The following VWF variants were observed in gnomAD, a reference collection of about 807,000 sequenced individuals.
VWF encodes the protein von Willebrand factor.
In VWF, 176 loss-of-function variants were observed where a neutral mutation model predicts 308.6. The ratio of observed to expected loss-of-function variants is 0.57; its 90% CI spans 0.50 to 0.65. The LOEUF (loss-of-function observed/expected upper bound fraction) is 0.65, where lower values mean the gene tolerates loss of function less well. Ranked by LOEUF, VWF falls within the 30% of genes least tolerant of loss-of-function variation. VWF has a pLI of 0.00. For synonymous variants in VWF, 1,385 were observed against 1,443.4 expected, an observed-to-expected ratio of 0.96 and a Z score of 0.92; for missense variants, 3,146 against 3,648.2, an observed-to-expected ratio of 0.86 and a Z score of 3.55.
At chr12:6,097,721 G>A (rs922236491) in intron 5 of VWF, among the ~76,000 whole-genome samples, 1 of 152,194 alleles carries the variant, frequency 6.6e-6, no homozygotes, top group African/African-American at 2.4e-5. Context: ...CCGAGTTTGT[G>A]GTAATGTGTT....
intron 10 of VWF, among the ~76,000 whole-genome samples, chr12:6,067,716 C>T (rs971757827): frequency 1.3e-5 from 2 of 152,178 alleles, no homozygotes; most frequent in African/African-American, 4.8e-5. Context: ...CTAGGATATT[C>T]CCCATCAGTC....
chr12:6,103,516 A>G (rs1228419557), intron 5 of VWF, among the ~76,000 whole-genome samples: 1 of 140,500 alleles, frequency 7.1e-6, no homozygotes, highest in African/African-American at 2.8e-5. Flanking sequence ...ATATATATAC[A>G]CACATATGTG....
intron 1 of VWF, among the ~76,000 whole-genome samples, chr12:6,123,538 C>T (rs1945454744): frequency 6.6e-6 from 1 of 152,198 alleles, no homozygotes; most frequent in African/African-American, 2.4e-5. Flanking sequence ...AGCTAACACA[C>T]ACCTCATTCC....
chr12:5,967,622 G>C lies in VWF; in HGVS notation c.7771-20C>G, dbSNP rs983797627. 16 of 1,609,276 alleles carry C rather than the reference G, an allele frequency of 9.9e-6. No individual in the cohort carries two copies. The highest frequency in any genetic ancestry group is 1.4e-5 in the Non-Finnish European group (16 of 1,177,662). On this transcript the variant is annotated intron_variant, in intron 46 of 51. Transcript: ENST00000261405. ...CCCGGGCTGGAAGCAGAGGCACCAG[G>C]GTCAGGCCCCCCAGCATCCCCCAAC... is the stretch of plus-strand genomic sequence containing the variant.
rs774023147 is a variant in VWF, at chr12:6,123,199, G to T, written c.1-3C>A. 6.2e-7 allele frequency: 1 copy of T among 1,614,216 alleles called. No individual in the cohort carries two copies. On this transcript the variant is annotated splice_polypyrimidine_tract_variant and splice_region_variant and intron_variant, in intron 1 of 51. Coordinates refer to ENST00000261405, the MANE Select transcript of VWF (RefSeq NM_000552.5). ...CCGGCAAATCTGGCAGGAATCATCT[G>T]CAAAGAAGCAAGAGACGTGAGCTGG...
At chr12:6,076,279 G>A (rs969165372) in intron 6 of VWF, among the ~76,000 whole-genome samples, 2 of 152,150 alleles carry the variant, frequency 1.3e-5, no homozygotes, top group Admixed American at 6.5e-5. Flanking sequence ...GCTCACTCAC[G>A]AGTATCAACG....
intron 22 of VWF, among the ~76,000 whole-genome samples, chr12:6,027,894 A>G (rs1053459646): frequency 2.0e-5 from 3 of 151,136 alleles, no homozygotes; most frequent in Admixed American, 6.6e-5. Flanking sequence ...CCCTAAACAA[A>G]AAAACTTTTT....
At chr12:6,055,641 G>A (rs867233908) in intron 15 of VWF, among the ~76,000 whole-genome samples, 1 of 152,008 alleles carries the variant, frequency 6.6e-6, no homozygotes, top group African/African-American at 2.4e-5. Context: ...ACCCAAAATA[G>A]TAGCACTTCT....
Position 6,058,169 on chromosome 12 carries a change from AT to A in VWF, c.1534-126del. On this transcript the variant is annotated intron_variant, in intron 13 of 51. Transcript: ENST00000261405. The surrounding 1 kb of genome is among the most constrained non-coding windows in gnomAD (Gnocchi z 4.9). ...CGGGTGAAACATAAATATGAATGTA[AT>A]AAAAGGCAGCTAAGCCCTAGGCTGC... 8.8e-7 allele frequency: 1 copy of A among 1,132,160 alleles called. No homozygotes were observed. The highest frequency in any genetic ancestry group is 1.6e-5 in the African/African-American group (1 of 62,916). The allele number at this position is 1,132,160 out of a possible 1,614,324, so 70.1% of individuals were successfully genotyped here. A position where few individuals can be genotyped will look rare whatever the true frequency, so the allele number is the denominator to read the frequency against.
intron 15 of VWF, among the ~76,000 whole-genome samples, chr12:6,055,793 C>CACACACAT (rs905257204): frequency 2.0e-5 from 3 of 151,360 alleles, no homozygotes; most frequent in African/African-American, 7.3e-5. Flanking sequence ...CACACACACA[C>CACACACAT]ACACAGGGTC....
At chr12:6,066,346 C>T (rs1000556330) in intron 10 of VWF, among the ~76,000 whole-genome samples, 4 of 152,252 alleles carry the variant, frequency 2.6e-5, no homozygotes, top group Admixed American at 6.5e-5. Context: ...CCTTCCCAAC[C>T]TGCCCTATAT....
chr12:6,004,129 A>G (rs1330813947), intron 34 of VWF, among the ~76,000 whole-genome samples: 2 of 152,172 alleles, frequency 1.3e-5, no homozygotes, highest in Non-Finnish European at 2.9e-5. Context: ...ATATTACTGA[A>G]AATTTAAATA....
intron 16 of VWF, among the ~76,000 whole-genome samples, chr12:6,050,810 C>T (rs1474479759): frequency 6.6e-6 from 1 of 152,076 alleles, no homozygotes; most frequent in African/African-American, 2.4e-5. Flanking sequence ...CAAAAATTAG[C>T]GGGGCGTGGT....
At chr12:5,978,331 C>T (rs934150776) in intron 42 of VWF, among the ~76,000 whole-genome samples, 2 of 152,078 alleles carry the variant, frequency 1.3e-5, no homozygotes, top group Non-Finnish European at 2.9e-5. Flanking sequence ...GGCACAATCT[C>T]GGCTCACTGC....
chr12:6,054,154 C>T (rs1252483072), intron 15 of VWF, among the ~76,000 whole-genome samples: 4 of 152,178 alleles, frequency 2.6e-5, no homozygotes, highest in African/African-American at 7.2e-5. Context: ...AAGCCTTGGC[C>T]GTGAGCCTGA....
chr12:5,970,016 C>T (rs1289140554), intron 44 of VWF, among the ~76,000 whole-genome samples: 1 of 152,200 alleles, frequency 6.6e-6, no homozygotes, highest in Non-Finnish European at 1.5e-5. Flanking sequence ...ACTAGGTGCC[C>T]TCTGCCGCCA....
intron 5 of VWF, among the ~76,000 whole-genome samples, chr12:6,099,672 GA>G (rs1353699436): frequency 1.1e-4 from 17 of 152,136 alleles, no homozygotes; most frequent in Admixed American, 3.3e-4. Flanking sequence ...ATGGTGCTGG[GA>G]AAACTGGCTA....
chr12:6,029,585 C>T lies in VWF; in HGVS notation c.2821-97G>A, dbSNP rs1944235219. On this transcript the variant is annotated intron_variant, in intron 21 of 51. Transcript: ENST00000261405. ...TACACCTGCCCATCTGTCTTCAGTG[C>T]CCACGAGTGCAGGCACTGCCACCCC... 4.0e-6 allele frequency: 6 copies of T among 1,513,136 alleles called. No individual in the cohort carries two copies. The Admixed American group carries it at 7.5e-5, about 19-fold the overall frequency. 93.7% of individuals were successfully genotyped at this position (1,513,136 alleles called of 1,614,324 possible).
intron 34 of VWF, among the ~76,000 whole-genome samples, chr12:6,005,870 C>A (rs1015631220): frequency 3.3e-5 from 5 of 152,066 alleles, no homozygotes; most frequent in African/African-American, 1.2e-4. Context: ...TAAAGGGAGT[C>A]CATCATGTTG....
Sources: allele counts gnomAD v4.1 joint callset (sites outside exome capture counted in the v4.1 genomes callset), GRCh38; gene constraint gnomAD v4.1.1; non-coding constraint Gnocchi (gnomAD v3.1); transcripts MANE v1.5; gene names NCBI Gene and HGNC (gene_info 2026-07-23, HGNC 2026-07-21).